Variants in CEP170B observed in about 807,000 individuals in gnomAD.
CEP170B encodes the protein centrosomal protein of 170 kDa protein B.
A neutral mutation model predicts 120.6 loss-of-function variants in CEP170B; 55 were observed. The ratio of observed to expected loss-of-function variants is 0.46; its 90% CI spans 0.37 to 0.57. The LOEUF is 0.57. Among genes scored for constraint, CEP170B ranks in the 20% least tolerant of loss-of-function variants. The probability of loss-of-function intolerance (pLI) is 0.00; values close to 1 mark genes in which losing one functional copy is unlikely to be tolerated. For missense variants in CEP170B, 2,212 were observed against 2,253.3 expected (o/e 0.98, Z 0.37); for synonymous variants, 1,033 against 954.5 (o/e 1.08, Z -1.52).
intron 13 of CEP170B, 54 bp from the exon 14 acceptor site, chr14:104,892,922 C>G (rs1481276308): frequency 6.5e-7 from 1 of 1,542,016 alleles, no homozygotes; most frequent in Admixed American, 2.0e-5. Flanking sequence ...TGTCTGGCCC[C>G]TGCTGCCCCG....
In CEP170B at chr14:104,886,908, C is replaced by T. The variant is rs1019422615; in HGVS notation, c.2669C>T (p.Pro890Leu). 9 of 1,610,242 alleles carry T rather than the reference C, an allele frequency of 5.6e-6. No homozygotes were observed. The highest frequency in any genetic ancestry group is 4.5e-5 in the East Asian group (2 of 44,884). ...PGKPPHISSH[P>L]LLQDLAATRA... ...AAGCCCCCCCACATCTCCAGCCACCCGCTTCTACAGGACCTGGCCGCTACC... is the reference window on the plus strand; with the variant it reads ...AAGCCCCCCCACATCTCCAGCCACCTGCTTCTACAGGACCTGGCCGCTACC... The change falls in exon 12 of 19, where the codon CCG becomes CTG. Residue 890 changes from proline to leucine, a missense_variant. Physicochemically the swap from Pro to Leu is moderately conservative, Grantham distance 98. Around this residue, in one of 2 missense-constraint regions of CEP170B, gnomAD observed 2,166 missense variants for 2,166.7 expected, o/e 1.00. Coordinates refer to ENST00000414716, the MANE Select transcript of CEP170B (RefSeq NM_001112726.3).
chr14:104,878,346 C>A, intron 4 of CEP170B, 97 bp from the exon 5 acceptor site: 2 of 1,273,666 alleles, frequency 1.6e-6, no homozygotes, highest in Non-Finnish European at 2.3e-6. Flanking sequence ...CTGCCTGCCT[C>A]GATGGGCCCT....
chr14:104,880,565 T>C (rs1336632196), intron 6 of CEP170B, 140 bp downstream of exon 6: 4 of 1,268,890 alleles, frequency 3.2e-6, no homozygotes, highest in Non-Finnish European at 4.3e-6. Context: ...TGCACACACC[T>C]ACCCTTGCAC....
At chr14:104,866,948 G>A (rs1566848056) in intron 1 of CEP170B, among the ~76,000 whole-genome samples, 1 of 152,228 alleles carries the variant, frequency 6.6e-6, no homozygotes, top group East Asian at 1.9e-4. Context: ...CTCACTTCTT[G>A]ACTGGCCTCC....
In CEP170B at chr14:104,882,846, C is replaced by T. The variant is rs1188188843; in HGVS notation, c.577+14C>T. Reference sequence around the variant, plus strand: ...AGCCCTACCCAGGTTGGTCTTGGGGCCAGGCTGGTGAGACCCTGAGGGCTC... The same window carrying T: ...AGCCCTACCCAGGTTGGTCTTGGGGTCAGGCTGGTGAGACCCTGAGGGCTC... On this transcript the variant is annotated intron_variant, in intron 7 of 18. Coordinates refer to ENST00000414716, the MANE Select transcript of CEP170B (RefSeq NM_001112726.3). The T allele has an allele frequency of 6.2e-7, 1 of 1,608,924 alleles. No homozygotes were observed. The highest frequency in any genetic ancestry group is 1.1e-5 in the South Asian group (1 of 90,588).
At position 104,880,316 on chromosome 14, in the gene CEP170B, G is replaced by C. The variant is rs1289356636; in HGVS notation, c.363G>C (p.Val121=). 6.2e-7 allele frequency: 1 copy of C among 1,608,288 alleles called. No homozygotes were observed. The highest frequency in any genetic ancestry group is 8.5e-7 in the Non-Finnish European group (1 of 1,177,862). The change falls in exon 6 of 19, where the codon GTG becomes GTC. Residue 121 remains valine, a synonymous_variant. Transcript: ENST00000414716. ...AAAAGTACACCAGCCAGCTGCAGGTGAGCGTGAAGGGTTTGGCGCCCAAGA... is the reference window on the plus strand; with the variant it reads ...AAAAGTACACCAGCCAGCTGCAGGTCAGCGTGAAGGGTTTGGCGCCCAAGA... ...KHEKYTSQLQ[V]SVKGLAPKRS...
intron 3 of CEP170B, 38 bp from the exon 4 acceptor site, chr14:104,877,847 C>A: frequency 1.9e-6 from 1 of 513,438 alleles, no homozygotes; most frequent in Non-Finnish European, 3.1e-6. Context: ...CCCACCCGCG[C>A]AGCTCCCCCC....
At chr14:104,882,130 G>T (rs1477174249) in intron 6 of CEP170B, among the ~76,000 whole-genome samples, 2 of 152,056 alleles carry the variant, frequency 1.3e-5, no homozygotes, top group Non-Finnish European at 2.9e-5. Context: ...CTGGGCTGCC[G>T]GCTTCTCAGA....
chr14:104,872,155 CGT>C (rs761195500), intron 2 of CEP170B, among the ~76,000 whole-genome samples: 7 of 140,870 alleles, frequency 5.0e-5, no homozygotes, highest in African/African-American at 1.1e-4. Context: ...CGTGTGTGTG[CGT>C]GTGTGCCGCG....
intron 3 of CEP170B, 150 bp downstream of exon 3, chr14:104,876,495 AGCCCCTCCTTCTCAGCCCTG>A (rs1442441118): frequency 9.4e-6 from 6 of 635,822 alleles, no homozygotes; most frequent in African/African-American, 7.5e-5. Context: ...CCCCAGCCAT[AGCCCCTCCTTCTCAGCCCTG>A]GCCCCTCCTT....
intron 2 of CEP170B, among the ~76,000 whole-genome samples, chr14:104,875,924 G>T (rs191953746): frequency 2.6e-5 from 4 of 152,196 alleles, no homozygotes; most frequent in Admixed American, 2.6e-4. Context: ...CCCCCTCACC[G>T]CCAGCCTGGC....
Position 104,867,218 on chromosome 14 carries a change from C to A in CEP170B, c.-27-1206C>A, listed in dbSNP as rs1261650666. Among the ~76,000 whole-genome samples the A allele has an allele frequency of 1.3e-5, 2 of 152,116 alleles. No individual in the cohort carries two copies. The highest frequency in any genetic ancestry group is 6.5e-5 in the Admixed American group (1 of 15,270). ...CCCAGGGGTATGTGAGGCCCTCCAT[C>A]CCTCTGCCCTGTCCCTCTGCCCTGG... On this transcript the variant is annotated intron_variant, in intron 1 of 18. Coordinates refer to ENST00000414716, the MANE Select transcript of CEP170B (RefSeq NM_001112726.3). The surrounding 1 kb of genome is among the most constrained non-coding windows in gnomAD (Gnocchi z 5.4).
In CEP170B at chr14:104,893,672, G is replaced by A; in HGVS notation, c.4182+6G>A. On this transcript the variant is annotated splice_donor_region_variant and intron_variant, in intron 15 of 18. Transcript: ENST00000414716. ...GGCCTCGGAACCGAGAGGAGGCACG[G>A]TGCCCACTACCGCCACGGAGCTGGG... 6.3e-7 allele frequency: 1 copy of A among 1,584,032 alleles called. No homozygotes were observed. The highest frequency in any genetic ancestry group is 8.6e-7 in the Non-Finnish European group (1 of 1,166,364).
intron 12 of CEP170B, among the ~76,000 whole-genome samples, chr14:104,888,650 C>T (rs1170339120): frequency 2.0e-5 from 3 of 152,384 alleles, no homozygotes; most frequent in Non-Finnish European, 2.9e-5. Context: ...GCCGAGGCAG[C>T]TGAGCTGTCC....
intron 6 of CEP170B, among the ~76,000 whole-genome samples, chr14:104,881,085 G>T (rs75678011): frequency 0.011 from 1,607 of 152,316 alleles, 18 homozygotes; most frequent in Middle Eastern, 0.031. Context: ...CAGGCATTTG[G>T]ACTGGATTCT....
At chr14:104,880,194 G>A in intron 5 of CEP170B, 93 bp from the exon 6 acceptor site, 1 of 1,491,376 alleles carries the variant, frequency 6.7e-7, no homozygotes, top group Admixed American at 2.0e-5. Context: ...GTCATAGCTG[G>A]GCCCTCTGGA....
rs755768655 is a variant in CEP170B at position 104,894,264 on chromosome 14, GCCTCCCCCTAC to G, written c.4272-19_4272-9del. 1.3e-6 allele frequency: 2 copies of G among 1,584,022 alleles called. No homozygotes were observed. The highest frequency in any genetic ancestry group is 3.3e-5 in the Admixed American group (2 of 59,962). ...TCTCTGTCCTTGTCCCCCCATTTCT[GCCTCCCCCTAC>G]CTCGGACAGGATCCTCTTTCAGAAC... On this transcript the variant is annotated splice_polypyrimidine_tract_variant and intron_variant, in intron 16 of 18. Transcript: ENST00000414716.
intron 8 of CEP170B, among the ~76,000 whole-genome samples, 161 bp from the exon 9 acceptor site, chr14:104,883,670 C>T (rs1284236499): frequency 1.3e-5 from 2 of 152,198 alleles, no homozygotes; most frequent in African/African-American, 2.4e-5. Flanking sequence ...GGAGTCCGGT[C>T]CTGCGTCTTC....
chr14:104,896,543 A>G lies in CEP170B; in HGVS notation c.*1585A>G, dbSNP rs890165254. 4 of 455,278 alleles carry G rather than the reference A, an allele frequency of 8.8e-6. No homozygotes were observed. The Admixed American group carries it at 9.4e-5, about 11-fold the overall frequency. 28.2% of individuals were successfully genotyped at this position (455,278 alleles called of 1,614,324 possible). ...GGCTGTGCAATGTTTTAAGTTCACAAGTTCCTGCTCCTCCCCACACTGAGC... is the reference window on the plus strand; with the variant it reads ...GGCTGTGCAATGTTTTAAGTTCACAGGTTCCTGCTCCTCCCCACACTGAGC... On this transcript the variant is annotated 3_prime_UTR_variant, in exon 19 of 19. Transcript: ENST00000414716.
Sources: allele counts gnomAD v4.1 joint callset (sites outside exome capture counted in the v4.1 genomes callset), GRCh38; gene constraint gnomAD v4.1.1; regional missense constraint gnomAD v4.1.1; non-coding constraint Gnocchi (gnomAD v3.1); transcripts MANE v1.5; gene names NCBI Gene and HGNC (gene_info 2026-07-23, HGNC 2026-07-21).